Variants in CSMD1 observed in about 807,000 individuals in gnomAD.
The protein encoded by CSMD1 is CUB and Sushi multiple domains 1.
Under a neutral mutation model 417.5 loss-of-function variants are expected in CSMD1, and 213 were observed. The observed-to-expected ratio is 0.51, with a 90% CI of 0.46 to 0.57. CSMD1 has a LOEUF of 0.57. Among genes scored for constraint, CSMD1 ranks in the 20% least tolerant of loss-of-function variants. The pLI, the probability that CSMD1 is intolerant of heterozygous loss-of-function variation, is 0.00. For missense variants in CSMD1, 6,923 were observed against 4,529.7 expected (o/e 1.53, Z -15.17); for synonymous variants, 2,862 against 1,736.8 (o/e 1.65, Z -16.11).
chr8:4,008,797 A>C (rs751015321), intron 4 of CSMD1, among the ~76,000 whole-genome samples: 2 of 151,204 alleles, frequency 1.3e-5, no homozygotes, highest in African/African-American at 2.4e-5. Context: ...TTTTTGGTAG[A>C]GACGGGATTT....
chr8:3,373,650 A>G (rs1810117919), intron 18 of CSMD1: 1 of 152,214 alleles, frequency 6.6e-6, no homozygotes. Context: ...TTCCCTTAGC[A>G]GAGCTACAAA....
intron 3 of CSMD1, among the ~76,000 whole-genome samples, chr8:4,068,443 A>T (rs555650131): frequency 8.5e-5 from 13 of 152,332 alleles, no homozygotes; most frequent in Admixed American, 4.6e-4. Flanking sequence ...AATTAAATGT[A>T]TATTTTTAGA....
chr8:4,536,112 G>C (rs977988009), intron 2 of CSMD1, among the ~76,000 whole-genome samples: 2 of 152,142 alleles, frequency 1.3e-5, no homozygotes, highest in Admixed American at 1.3e-4. Flanking sequence ...CCATGTTCAA[G>C]ATTCACTTGA....
intron 7 of CSMD1, among the ~76,000 whole-genome samples, chr8:3,652,583 G>T (rs1344663741): frequency 1.3e-5 from 2 of 152,208 alleles, no homozygotes; most frequent in Admixed American, 6.5e-5. Context: ...GCAAAGGCAT[G>T]TCGTACACGG....
chr8:3,396,905 T>C lies in CSMD1; in HGVS notation c.2406-524A>G, dbSNP rs1811736263. Among the ~76,000 whole-genome samples, 4 of 152,272 alleles carry C rather than the reference T, an allele frequency of 2.6e-5. No homozygotes were observed. The South Asian group carries it at 8.3e-4, about 32-fold the overall frequency. On this transcript the variant is annotated intron_variant, in intron 16 of 69. Coordinates refer to ENST00000635120, the MANE Select transcript of CSMD1 (RefSeq NM_033225.6). ...TGAAAAAAAAAATCCTGTGCCTTTT[T>C]AAATTGCAATAACTCTTTCAAGACA...
intron 3 of CSMD1, among the ~76,000 whole-genome samples, chr8:4,076,087 T>A (rs1166078686): frequency 1.3e-5 from 2 of 152,140 alleles, no homozygotes; most frequent in Non-Finnish European, 2.9e-5. Context: ...TCATCTTGAA[T>A]TGCAGTTCCC....
intron 10 of CSMD1, among the ~76,000 whole-genome samples, chr8:3,502,223 G>A (rs1000494303): frequency 6.6e-6 from 1 of 151,814 alleles, no homozygotes; most frequent in African/African-American, 2.4e-5. Context: ...AAATTAGCCG[G>A]GCATGGTGGT....
At chr8:4,116,211 C>A (rs1194725331) in intron 3 of CSMD1, among the ~76,000 whole-genome samples, 2 of 151,828 alleles carry the variant, frequency 1.3e-5, no homozygotes, top group Admixed American at 6.6e-5. Context: ...CCAGGCTGGT[C>A]CTGAACTCCT....
At chr8:4,118,152 G>T (rs1349900302) in intron 3 of CSMD1, among the ~76,000 whole-genome samples, 1 of 152,264 alleles carries the variant, frequency 6.6e-6, no homozygotes, top group African/African-American at 2.4e-5. Context: ...CAGACTCTCA[G>T]TGGGAGCAGA....
At chr8:4,606,157 C>A (rs1800856506) in intron 2 of CSMD1, among the ~76,000 whole-genome samples, 1 of 152,178 alleles carries the variant, frequency 6.6e-6, no homozygotes, top group African/African-American at 2.4e-5. Context: ...AGCTTCTAAA[C>A]CGCAGGACAC....
intron 3 of CSMD1, among the ~76,000 whole-genome samples, chr8:4,130,217 T>G (rs758086310): frequency 1.2e-4 from 18 of 152,164 alleles, no homozygotes; most frequent in Admixed American, 6.5e-4. Context: ...TCCCTCACTT[T>G]CTTCTTGTCA....
At chr8:3,001,290 C>T (rs903835053) in intron 52 of CSMD1, among the ~76,000 whole-genome samples, 7 of 152,166 alleles carry the variant, frequency 4.6e-5, no homozygotes, top group African/African-American at 1.7e-4. Context: ...GCCACCACAA[C>T]ATTTTGTTAC....
At chr8:3,382,572 T>C (rs1328567779) in intron 18 of CSMD1, among the ~76,000 whole-genome samples, 1 of 90,334 alleles carries the variant, frequency 1.1e-5, no homozygotes, top group African/African-American at 4.0e-5. Flanking sequence ...TCTATATATA[T>C]CTATAATAGA....
At chr8:4,256,077 G>T (rs879187926) in intron 3 of CSMD1, among the ~76,000 whole-genome samples, 1 of 152,186 alleles carries the variant, frequency 6.6e-6, no homozygotes, top group Admixed American at 6.5e-5. Flanking sequence ...TAAGTTGTAG[G>T]CAAACGTAGG....
chr8:3,076,669 G>C (rs923812756), intron 49 of CSMD1, among the ~76,000 whole-genome samples: 9 of 152,174 alleles, frequency 5.9e-5, no homozygotes, highest in African/African-American at 2.2e-4. Context: ...TTTCCTCCCA[G>C]CAACACTGTT....
At chr8:4,037,592 A>G (rs545707653) in intron 3 of CSMD1, among the ~76,000 whole-genome samples, 8 of 134,732 alleles carry the variant, frequency 5.9e-5, no homozygotes, top group Admixed American at 5.4e-4. Context: ...AGGGATTGCA[A>G]TGGAAAGGAG....
chr8:3,171,858 G>A (rs1254937330), intron 37 of CSMD1, among the ~76,000 whole-genome samples: 2 of 152,182 alleles, frequency 1.3e-5, no homozygotes, highest in Non-Finnish European at 1.5e-5. Context: ...AGTGTGCTCA[G>A]ATAGTGCCAG....
chr8:3,696,042 C>CA (rs1468067125), intron 7 of CSMD1, among the ~76,000 whole-genome samples: 9 of 151,324 alleles, frequency 5.9e-5, no homozygotes, highest in Admixed American at 2.6e-4. Flanking sequence ...TGCACACGTG[C>CA]AAAAAAAAGC....
chr8:4,695,926 C>T (rs1381281983), intron 1 of CSMD1, among the ~76,000 whole-genome samples: 1 of 152,098 alleles, frequency 6.6e-6, no homozygotes, highest in Admixed American at 6.6e-5. Context: ...TTAAAATTAC[C>T]ATAGGATCTA....
Sources: allele counts gnomAD v4.1 joint callset (sites outside exome capture counted in the v4.1 genomes callset), GRCh38; gene constraint gnomAD v4.1.1; transcripts MANE v1.5; gene names NCBI Gene and HGNC (gene_info 2026-07-23, HGNC 2026-07-21).